Variants in GSK3B observed in about 807,000 individuals in gnomAD.
The protein encoded by GSK3B is glycogen synthase kinase-3 beta.
GSK3B carries 15 observed loss-of-function variants against 56.4 expected under a neutral mutation model. The ratio of observed to expected loss-of-function variants is 0.27; its 90% CI spans 0.18 to 0.41. The LOEUF is 0.41. GSK3B is among the 10% of genes least tolerant of loss of function. GSK3B has a pLI of 1.00. For synonymous variants in GSK3B, 181 were observed against 188.9 expected (o/e 0.96, Z 0.34); for missense variants, 300 against 513.4 (o/e 0.58, Z 4.02).
At chr3:120,012,316 T>C (rs758875478) in intron 1 of GSK3B, among the ~76,000 whole-genome samples, 4 of 152,200 alleles carry the variant, frequency 2.6e-5, no homozygotes, top group Non-Finnish European at 5.9e-5. Context: ...CTGTAACAAA[T>C]CTGCTTAAAC....
intron 1 of GSK3B, among the ~76,000 whole-genome samples, chr3:120,012,916 T>C (rs1559876085): frequency 1.3e-5 from 2 of 152,232 alleles, no homozygotes; most frequent in South Asian, 2.1e-4. Context: ...CTCCTGGCCT[T>C]AAGTCTAAAA....
chr3:119,939,863 A>AT (rs991555540), intron 3 of GSK3B, among the ~76,000 whole-genome samples: 82 of 152,252 alleles, frequency 5.4e-4, no homozygotes, highest in African/African-American at 1.8e-3. Context: ...TGGTACTAAA[A>AT]TTTGAGGCTC....
intron 2 of GSK3B, among the ~76,000 whole-genome samples, chr3:119,960,940 G>C (rs1008580587): frequency 1.3e-5 from 2 of 152,030 alleles, no homozygotes; most frequent in Non-Finnish European, 2.9e-5. Flanking sequence ...ATCTATGGTC[G>C]AACATGTATT....
At chr3:119,894,825 C>T (rs1415663988) in intron 7 of GSK3B, among the ~76,000 whole-genome samples, 7 of 152,042 alleles carry the variant, frequency 4.6e-5, no homozygotes, top group Admixed American at 4.6e-4. Context: ...AATTGAAGTT[C>T]ACAAAGATTT....
intron 1 of GSK3B, among the ~76,000 whole-genome samples, chr3:120,017,315 A>G (rs770878089): frequency 6.6e-6 from 1 of 152,214 alleles, no homozygotes; most frequent in Non-Finnish European, 1.5e-5. Context: ...GAAGAAAGCC[A>G]GAAAATAGAT....
At chr3:120,059,896 T>C (rs1038048928) in intron 1 of GSK3B, among the ~76,000 whole-genome samples, 1 of 152,238 alleles carries the variant, frequency 6.6e-6, no homozygotes, top group Non-Finnish European at 1.5e-5. Context: ...TGTAAACACT[T>C]AGAATAAATT....
intron 1 of GSK3B, among the ~76,000 whole-genome samples, chr3:120,032,948 C>T (rs1027068149): frequency 5.9e-5 from 9 of 152,304 alleles, no homozygotes; most frequent in African/African-American, 1.9e-4. Context: ...GCTTGTGCAA[C>T]CATCACCCCA....
chr3:119,921,526 G>A (rs1050441774), intron 4 of GSK3B, among the ~76,000 whole-genome samples: 3 of 152,064 alleles, frequency 2.0e-5, no homozygotes, highest in African/African-American at 7.2e-5. Flanking sequence ...CAATTTGCAG[G>A]AAATATAGAT....
At chr3:120,000,983 G>A (rs1276097894) in intron 2 of GSK3B, among the ~76,000 whole-genome samples, 2 of 140,040 alleles carry the variant, frequency 1.4e-5, no homozygotes, top group Non-Finnish European at 3.0e-5. Flanking sequence ...GGAGTGCAGT[G>A]GCGCGATCTC....
chr3:119,880,242 T>C (rs141595185), intron 7 of GSK3B, among the ~76,000 whole-genome samples: 2 of 152,222 alleles, frequency 1.3e-5, no homozygotes, highest in African/African-American at 4.8e-5. Flanking sequence ...ACCTCTCATA[T>C]ACCTGTTTGC....
At chr3:119,850,153 TAAG>T (rs1345257426) in intron 9 of GSK3B, among the ~76,000 whole-genome samples, 3 of 151,798 alleles carry the variant, frequency 2.0e-5, no homozygotes, top group Admixed American at 2.0e-4. Flanking sequence ...GTGAAGAAAT[TAAG>T]AAGACAAGAA....
At chr3:119,919,066 T>C (rs1174534264) in intron 4 of GSK3B, among the ~76,000 whole-genome samples, 1 of 152,182 alleles carries the variant, frequency 6.6e-6, no homozygotes, top group East Asian at 1.9e-4. Context: ...TTCACAACAA[T>C]GATTTGCCAG....
At chr3:120,019,504 T>C (rs2057855118) in intron 1 of GSK3B, among the ~76,000 whole-genome samples, 1 of 152,356 alleles carries the variant, frequency 6.6e-6, no homozygotes, top group Non-Finnish European at 1.5e-5. Context: ...AAACAATTTC[T>C]TTTTCAAACA....
intron 1 of GSK3B, among the ~76,000 whole-genome samples, chr3:120,039,404 C>T (rs925539412): frequency 5.9e-5 from 9 of 152,208 alleles, no homozygotes; most frequent in Non-Finnish European, 1.3e-4. Flanking sequence ...TTCTGAATTT[C>T]TCTTCAAAGG....
At chr3:119,965,106 G>A (rs371434600) in intron 2 of GSK3B, among the ~76,000 whole-genome samples, 224 of 144,884 alleles carry the variant, frequency 1.5e-3, no homozygotes, top group Middle Eastern at 3.7e-3. Context: ...AGGCTGGAGT[G>A]CAGTGGTGTG....
intron 7 of GSK3B, 58 bp downstream of exon 7, chr3:119,905,694 ATAT>A: frequency 1.1e-6 from 1 of 927,020 alleles, no homozygotes; most frequent in South Asian, 1.3e-5. Flanking sequence ...TGTGTGATAT[ATAT>A]TATTAAAGTA....
rs569461907 is a variant in GSK3B, at chr3:120,051,495, G to A, written c.88+41852C>T. ...AAAAGCACTATACTGGGTCAGGCGC[G>A]GTGGCTCACGCCTGCAATCCCAGCA... On this transcript the variant is annotated intron_variant, in intron 1 of 10. Transcript: ENST00000264235. Among the ~76,000 whole-genome samples the A allele has an allele frequency of 1.3e-4, 20 of 152,272 alleles. No individual in the cohort carries two copies. In the South Asian group the frequency reaches 3.9e-3, roughly 30 times the overall value.
At chr3:120,071,200 G>A (rs1339779295) in intron 1 of GSK3B, among the ~76,000 whole-genome samples, 3 of 152,032 alleles carry the variant, frequency 2.0e-5, no homozygotes, top group Non-Finnish European at 4.4e-5. Context: ...CTTTCACATC[G>A]ATTAAATAAA....
rs1391363536 is a variant in GSK3B, at chr3:120,006,701, G to C, written c.89-4462C>G. Among the ~76,000 whole-genome samples the C allele has an allele frequency of 2.0e-5, 3 of 152,110 alleles. No individual in the cohort carries two copies. The East Asian group carries it at 5.8e-4, about 29-fold the overall frequency. On this transcript the variant is annotated intron_variant, in intron 1 of 10. Coordinates refer to ENST00000264235, the MANE Select transcript of GSK3B (RefSeq NM_001146156.2). ...ACGAAATTAAGACAGAAAGAAATAAGTTATTTGAAACTAATGAGAACAAAG... is the reference window on the plus strand; with the variant it reads ...ACGAAATTAAGACAGAAAGAAATAACTTATTTGAAACTAATGAGAACAAAG...
Sources: allele counts gnomAD v4.1 joint callset (sites outside exome capture counted in the v4.1 genomes callset), GRCh38; gene constraint gnomAD v4.1.1; transcripts MANE v1.5; gene names NCBI Gene and HGNC (gene_info 2026-07-23, HGNC 2026-07-21).